TSC1: variants seen among roughly 807,000 people sequenced by gnomAD.
TSC1 encodes hamartin.
TSC1 carries 20 observed loss-of-function variants against 124.3 expected under a neutral mutation model. The observed-to-expected ratio is 0.16, with a 90% CI of 0.11 to 0.23. TSC1 has a LOEUF of 0.23. Ranked by LOEUF, TSC1 falls within the 10% of genes least tolerant of loss-of-function variation. The pLI, the probability that TSC1 is intolerant of heterozygous loss-of-function variation, is 1.00. For synonymous variants in TSC1, 493 were observed against 539.1 expected (o/e 0.91, Z 1.19); for missense variants, 1,124 against 1,448.5 (o/e 0.78, Z 3.64).
Position 132,923,801 on chromosome 9 carries a change from T to C in TSC1, c.364-309A>G. On this transcript the variant is annotated intron_variant, in intron 5 of 22. Transcript: ENST00000298552. This position sits in a 1 kb window ranked among gnomAD's most constrained non-coding sequence, Gnocchi z 4.2. ...CAAGTCCTGCAGCCTTAGGATGCCC[T>C]ATTGATAGCAGTTGGATGAAAACAA... is the stretch of plus-strand genomic sequence containing the variant. 3.1e-6 allele frequency: 1 copy of C among 322,632 alleles called. No homozygotes were observed. The highest frequency in any genetic ancestry group is 5.9e-6 in the Non-Finnish European group (1 of 170,362). The allele number at this position is 322,632 out of a possible 1,614,324, so 20.0% of individuals were successfully genotyped here. A position where few individuals can be genotyped will look rare whatever the true frequency, so the allele number is the denominator to read the frequency against.
At chr9:132,937,642 C>A (rs1286210513) in intron 1 of TSC1, among the ~76,000 whole-genome samples, 1 of 152,134 alleles carries the variant, frequency 6.6e-6, no homozygotes, top group Non-Finnish European at 1.5e-5. Context: ...ACTGCCCAGC[C>A]ACAACCCATC....
intron 8 of TSC1, among the ~76,000 whole-genome samples, chr9:132,918,341 T>C (rs1468128617): frequency 6.6e-6 from 1 of 152,156 alleles, no homozygotes; most frequent in Non-Finnish European, 1.5e-5. Flanking sequence ...GAGGAACTTA[T>C]AGCATCTGGT....
At chr9:132,904,326 G>T (rs1845535407) in intron 16 of TSC1, 85 bp downstream of exon 16, 1 of 1,471,994 alleles carries the variant, frequency 6.8e-7, no homozygotes, top group Admixed American at 1.8e-5. Context: ...CTGTTTCCCA[G>T]AGGGCACCTC....
chr9:132,896,735 C>T lies in TSC1; in HGVS notation c.2995G>A (p.Gly999Arg), dbSNP rs780224196. 11 of 1,613,470 alleles carry T rather than the reference C, an allele frequency of 6.8e-6. No homozygotes were observed. The highest frequency in any genetic ancestry group is 6.6e-5 in the South Asian group (6 of 91,066). Residue 999 changes from glycine to arginine, a missense_variant, in exon 23 of 23, where the codon GGG (glycine) becomes AGG (arginine). Gly to Arg is a moderately radical substitution (Grantham distance 125, BLOSUM62 -2). This residue lies in a region of TSC1 where 325 missense variants were observed against 383.4 expected (regional missense o/e 0.85). Coordinates refer to ENST00000298552, the MANE Select transcript of TSC1 (RefSeq NM_000368.5). The surrounding 1 kb of genome is among the most constrained non-coding windows in gnomAD (Gnocchi z 4.5). ...TGCCCTACCATGGAATCTGAGCACC[C>T]GTCATTACAACAGTCAAGCCTGTAA... Reference protein sequence around the residue: ...AEERLDCCNDGCSDSMVGHNE... With the variant: ...AEERLDCCNDRCSDSMVGHNE...
At chr9:132,929,638 C>G in intron 2 of TSC1, among the ~76,000 whole-genome samples, 1 of 152,206 alleles carries the variant, frequency 6.6e-6, no homozygotes, top group East Asian at 1.9e-4. Context: ...AGCTCATTCC[C>G]AAGTGTAACT....
chr9:132,921,339 A>G lies in TSC1; in HGVS notation c.737+24T>C. Reference sequence around the variant, plus strand: ...TTTCAATCTCTCGAAAGATTCTTTAAAATTTTGACACTAGTTTCTATACCT... The same window carrying G: ...TTTCAATCTCTCGAAAGATTCTTTAGAATTTTGACACTAGTTTCTATACCT... On this transcript the variant is annotated intron_variant, in intron 8 of 22. Transcript: ENST00000298552. This position sits in a 1 kb window ranked among gnomAD's most constrained non-coding sequence, Gnocchi z 4.3. 2.5e-6 allele frequency: 4 copies of G among 1,612,720 alleles called. No individual in the cohort carries two copies. The highest frequency in any genetic ancestry group is 3.4e-6 in the Non-Finnish European group (4 of 1,178,796).
rs758924121 is a variant in TSC1 at position 132,925,636 on chromosome 9, T to C, written c.314A>G (p.His105Arg). 6.2e-7 allele frequency: 1 copy of C among 1,614,260 alleles called. No individual in the cohort carries two copies. Among genetic ancestry groups the C allele is most frequent in the South Asian group, 1.1e-5 (1 of 91,090 alleles). The part of the protein sequence containing the change: ...HVIRLQPSWK[H>R]KLSQAPLLPS... ...CAAAAGAGGTGCTTGAGAGAGCTTA[T>C]GCTTCCAAGATGGCTGCAGTCTTAT... The change falls in exon 5 of 23, where the codon CAT (histidine) becomes CGT (arginine). Residue 105 changes from histidine to arginine, a missense_variant. His to Arg is a conservative substitution (Grantham distance 29). This residue lies in a region of TSC1 where 463 missense variants were observed against 606.8 expected (regional missense o/e 0.76). Transcript: ENST00000298552.
chr9:132,932,954 T>C (rs184119062), intron 2 of TSC1, among the ~76,000 whole-genome samples: 43 of 152,344 alleles, frequency 2.8e-4, no homozygotes, highest in African/African-American at 1.0e-3. Flanking sequence ...CCAGATTTGA[T>C]CCAATGATAC....
In TSC1 at chr9:132,911,065, T is replaced by G. The variant is rs201738258; in HGVS notation, c.1078A>C (p.Thr360Pro). Reference sequence around the variant, plus strand: ...TCAGGTGGGACATTTCCAGGAGAAGTTGGAGGAGTGGTCATACCACAAACC... The same window carrying G: ...TCAGGTGGGACATTTCCAGGAGAAGGTGGAGGAGTGGTCATACCACAAACC... Reference protein sequence around the residue: ...SMVCGMTTPPTSPGNVPPDLS... With the variant: ...SMVCGMTTPPPSPGNVPPDLS... The change falls in exon 11 of 23, where the codon ACT becomes CCT. Residue 360 changes from threonine to proline, a missense_variant. Thr to Pro is a conservative substitution (Grantham distance 38, BLOSUM62 -1). This residue lies in a region of TSC1 where 463 missense variants were observed against 606.8 expected (regional missense o/e 0.76). Coordinates refer to ENST00000298552, the MANE Select transcript of TSC1 (RefSeq NM_000368.5). 2 of 1,614,030 alleles carry G rather than the reference T, an allele frequency of 1.2e-6. No homozygotes were observed. Among genetic ancestry groups the G allele is most frequent in the African/African-American group, 2.7e-5 (2 of 74,906 alleles).
rs17408598 is a variant in TSC1 at position 132,921,221 on chromosome 9, A to C, written c.737+142T>G. 37,170 of 824,384 alleles carry C rather than the reference A, an allele frequency of 0.045. 1,041 individuals carry two copies. Among genetic ancestry groups the C allele is most frequent in the Non-Finnish European group, 0.054 (26,933 of 494,210 alleles). The allele number at this position is 824,384 out of a possible 1,614,324, so 51.1% of individuals were successfully genotyped here. ...TATGTTTTAAACTCACACAAATTTT[A>C]GCTGTATGAGTGCTTCCAAGTGGAC... is the stretch of plus-strand genomic sequence containing the variant. On this transcript the variant is annotated intron_variant, in intron 8 of 22. Coordinates refer to ENST00000298552, the MANE Select transcript of TSC1 (RefSeq NM_000368.5). The surrounding 1 kb of genome is among the most constrained non-coding windows in gnomAD (Gnocchi z 4.3).
rs1845627444 is a variant in TSC1 at position 132,905,824 on chromosome 9, G to A, written c.1754C>T (p.Pro585Leu). 2 of 1,614,074 alleles carry A rather than the reference G, an allele frequency of 1.2e-6. No individual in the cohort carries two copies. The highest frequency in any genetic ancestry group is 1.6e-4 in the Middle Eastern group (1 of 6,084). The change falls in exon 15 of 23, where the codon CCT (proline) becomes CTT (leucine). Residue 585 changes from proline to leucine, a missense_variant. By Grantham distance (98) the Pro-to-Leu change is moderately conservative. Around this residue, in one of 5 missense-constraint regions of TSC1, gnomAD observed 321 missense variants for 397.4 expected, o/e 0.81. Transcript: ENST00000298552. ...TCTCGTCGGAGGTGGAATTTTACAA[G>A]GACTGGGAGTGAAGATACTGGTCTC... ...SLETSIFTPS[P>L]CKIPPPTRVG...
intron 20 of TSC1, among the ~76,000 whole-genome samples, chr9:132,898,475 G>A (rs987442763): frequency 7.2e-5 from 11 of 152,154 alleles, no homozygotes; most frequent in Admixed American, 1.3e-4. Flanking sequence ...GAGCTTTCAC[G>A]AAGGCGCCCT....
intron 4 of TSC1, 128 bp from the exon 5 acceptor site, chr9:132,925,867 A>G: frequency 7.9e-7 from 1 of 1,268,038 alleles, no homozygotes; most frequent in Admixed American, 2.1e-5. Context: ...CATGCAGATA[A>G]AAGGTCAAAT....
upstream of TSC1, chr9:132,944,854 T>C (rs969888302): frequency 2.8e-6 from 1 of 358,912 alleles, no homozygotes; most frequent in Non-Finnish European, 4.9e-6. Context: ...GAAAGGAGGC[T>C]GCGAAGAGAT....
intron 2 of TSC1, among the ~76,000 whole-genome samples, chr9:132,933,472 T>A (rs1847308253): frequency 6.6e-6 from 1 of 152,146 alleles, no homozygotes; most frequent in Non-Finnish European, 1.5e-5. Context: ...TAAGAATAAT[T>A]GCTAAAGGCG....
chr9:132,939,840 G>A (rs1223232055), intron 1 of TSC1, among the ~76,000 whole-genome samples: 1 of 152,158 alleles, frequency 6.6e-6, no homozygotes, highest in Non-Finnish European at 1.5e-5. Flanking sequence ...ACGAGCAGGA[G>A]CCTGGGTATT....
intron 1 of TSC1, among the ~76,000 whole-genome samples, chr9:132,935,483 G>A (rs376928673): frequency 3.9e-5 from 6 of 152,284 alleles, no homozygotes; most frequent in Middle Eastern, 3.4e-3. Context: ...AAGTTACCTC[G>A]TCTGTAAAGT....
chr9:132,906,283 C>T lies in TSC1; in HGVS notation c.1439-144G>A, dbSNP rs565736941. On this transcript the variant is annotated intron_variant, in intron 14 of 22. Coordinates refer to ENST00000298552, the MANE Select transcript of TSC1 (RefSeq NM_000368.5). This position sits in a 1 kb window ranked among gnomAD's most constrained non-coding sequence, Gnocchi z 4.1. ...GCATCCGGCTGGACACAGTGGCTCACGCCTGTAATGCCAGAACTTTGGGAG... is the reference window on the plus strand; with the variant it reads ...GCATCCGGCTGGACACAGTGGCTCATGCCTGTAATGCCAGAACTTTGGGAG... 5.2e-5 allele frequency: 49 copies of T among 945,362 alleles called. No homozygotes were observed. The South Asian group carries it at 5.2e-4, about 10-fold the overall frequency. 58.6% of individuals were successfully genotyped at this position (945,362 alleles called of 1,614,324 possible). A position where few individuals can be genotyped will look rare whatever the true frequency, so the allele number is the denominator to read the frequency against.
Position 132,903,936 on chromosome 9 carries a change from T to G in TSC1, c.2042-119A>C. ...ATTCTTTAAAAACAAATCACCACTC[T>G]CTTTGCAAATGACCACTTGACTCCC... On this transcript the variant is annotated intron_variant, in intron 16 of 22. Transcript: ENST00000298552. This position sits in a 1 kb window ranked among gnomAD's most constrained non-coding sequence, Gnocchi z 5.9. The G allele has an allele frequency of 8.2e-7, 1 of 1,226,264 alleles. No homozygotes were observed. Among genetic ancestry groups the G allele is most frequent in the Middle Eastern group, 2.6e-4 (1 of 3,780 alleles). The allele number at this position is 1,226,264 out of a possible 1,614,324, so 76.0% of individuals were successfully genotyped here. A position where few individuals can be genotyped will look rare whatever the true frequency, so the allele number is the denominator to read the frequency against.
Sources: gnomAD v4.1 joint callset for allele counts (sites outside exome capture counted in the v4.1 genomes callset) on GRCh38, gnomAD v4.1.1 for gene constraint, gnomAD v4.1.1 regional missense constraint, Gnocchi (gnomAD v3.1) non-coding constraint, MANE v1.5 for transcripts, NCBI Gene and HGNC (gene_info 2026-07-23, HGNC 2026-07-21) for gene names.